The following TUSC2 variants were observed in gnomAD, a reference collection of about 807,000 sequenced individuals.
TUSC2 encodes tumor suppressor 2, mitochondrial calcium regulator.
TUSC2 carries 7 observed loss-of-function variants against 11.5 expected under a neutral mutation model. That is an observed-to-expected ratio of 0.61 (90% confidence interval 0.35 to 1.14). The LOEUF is 1.14. Ranked by LOEUF, TUSC2 falls within the 50% of genes most tolerant of loss-of-function variation. TUSC2 has a pLI of 0.03. For missense variants in TUSC2, 132 were observed against 155.0 expected (o/e 0.85, Z 0.79); for synonymous variants, 61 against 64.1 (o/e 0.95, Z 0.23).
intron 1 of TUSC2, chr3:50,327,317 TCTA>T: frequency 2.2e-6 from 1 of 449,088 alleles, no homozygotes; most frequent in African/African-American, 2.0e-5. Flanking sequence ...CTTCCTGGTG[TCTA>T]CAGCCAAATC....
intron 1 of TUSC2, 121 bp downstream of exon 1, chr3:50,327,833 C>CA: frequency 7.6e-7 from 1 of 1,312,480 alleles, no homozygotes; most frequent in African/African-American, 1.5e-5. Flanking sequence ...CAATGAGGCT[C>CA]AAAATATGGG....
chr3:50,327,597 G>A (rs1293551043), intron 1 of TUSC2, among the ~76,000 whole-genome samples: 2 of 152,074 alleles, frequency 1.3e-5, no homozygotes, highest in African/African-American at 4.8e-5. Context: ...TTATCCCCTT[G>A]GAATAACTGG....
chr3:50,327,937 G>A lies in TUSC2; in HGVS notation c.146+17C>T, dbSNP rs782303395. 2.8e-5 allele frequency: 42 copies of A among 1,495,854 alleles called. No homozygotes were observed. Among genetic ancestry groups the A allele is most frequent in the Non-Finnish European group, 3.2e-5 (36 of 1,124,998 alleles). 92.7% of individuals were successfully genotyped at this position (1,495,854 alleles called of 1,614,324 possible). On this transcript the variant is annotated intron_variant, in intron 1 of 2. Coordinates refer to ENST00000232496, the MANE Select transcript of TUSC2 (RefSeq NM_007275.3). ...GCCCGCCTGTTCCCCCCGCCAGGGTGGAACCCATGCCCTTACCCGCGGCGC... is the reference window on the plus strand; with the variant it reads ...GCCCGCCTGTTCCCCCCGCCAGGGTAGAACCCATGCCCTTACCCGCGGCGC...
chr3:50,326,241 G>T, intron 2 of TUSC2, 55 bp from the exon 3 acceptor site: 1 of 1,610,492 alleles, frequency 6.2e-7, no homozygotes, highest in Non-Finnish European at 8.5e-7. Flanking sequence ...ACTTCAGGAA[G>T]CTTCCTTGTT....
chr3:50,326,946 G>C (rs1167691272), intron 1 of TUSC2: 1 of 336,722 alleles, frequency 3.0e-6, no homozygotes. Context: ...CCTGGGGTTT[G>C]GGGTCTACTA....
chr3:50,328,052 C>G lies in TUSC2; in HGVS notation c.48G>C (p.Ser16=). Residue 16 remains serine, a synonymous_variant, in exon 1 of 3, where the codon TCG becomes TCC. Transcript: ENST00000232496. The part of the protein sequence containing the change: ...SKARGLWPFA[S]AAGGGGSEAA... ...CCTCTGAGCCGCCGCCTCCGGCCGC[C>G]GAGGCGAAGGGCCACAGGCCCCGAG... 1 of 1,493,936 alleles carries G rather than the reference C, an allele frequency of 6.7e-7. No homozygotes were observed. The highest frequency in any genetic ancestry group is 8.9e-7 in the Non-Finnish European group (1 of 1,121,142). The allele number at this position is 1,493,936 out of a possible 1,614,324, so 92.5% of individuals were successfully genotyped here.
rs782182214 is a variant in TUSC2 at position 50,327,898 on chromosome 3, C to A, written c.146+56G>T. On this transcript the variant is annotated intron_variant, in intron 1 of 2. Coordinates refer to ENST00000232496, the MANE Select transcript of TUSC2 (RefSeq NM_007275.3). ...CAGCGGTGGAAGTTCCCCCGTGGCG[C>A]GGGACGCCTGGCCGCCCGCCTGTTC... 30 of 1,382,052 alleles carry A rather than the reference C, an allele frequency of 2.2e-5. No individual in the cohort carries two copies. The South Asian group carries it at 4.3e-4, about 20-fold the overall frequency. 85.6% of individuals were successfully genotyped at this position (1,382,052 alleles called of 1,614,324 possible).
chr3:50,328,045 C>T lies in TUSC2; in HGVS notation c.55G>A (p.Gly19Arg). Residue 19 changes from glycine (G) to arginine (R), a missense_variant, in exon 1 of 3, where the codon GGA becomes AGA. Physicochemically the swap from Gly to Arg is moderately radical, Grantham distance 125. This residue lies in a region of TUSC2 where 17 missense variants were observed against 33.1 expected (regional missense o/e 0.51). Coordinates refer to ENST00000232496, the MANE Select transcript of TUSC2 (RefSeq NM_007275.3). The part of the protein sequence containing the change: ...RGLWPFASAA[G>R]GGGSEAAGAE... ...CCTGCTGCCTCTGAGCCGCCGCCTCCGGCCGCCGAGGCGAAGGGCCACAGG... is the reference window on the plus strand; with the variant it reads ...CCTGCTGCCTCTGAGCCGCCGCCTCTGGCCGCCGAGGCGAAGGGCCACAGG... The T allele has an allele frequency of 2.0e-6, 3 of 1,495,908 alleles. No homozygotes were observed. Among genetic ancestry groups the T allele is most frequent in the Admixed American group, 2.2e-5 (1 of 45,232 alleles). 92.7% of individuals were successfully genotyped at this position (1,495,908 alleles called of 1,614,324 possible). A position where few individuals can be genotyped will look rare whatever the true frequency, so the allele number is the denominator to read the frequency against.
chr3:50,326,356 C>T lies in TUSC2; in HGVS notation c.267+1G>A. ...TCTGTGACCGCTGCCCAGCCCCTCACCTGAGGAATCAGATTCTTATGCACT... is the reference window on the plus strand; with the variant it reads ...TCTGTGACCGCTGCCCAGCCCCTCATCTGAGGAATCAGATTCTTATGCACT... On this transcript the variant is annotated splice_donor_variant, in intron 2 of 2. Coordinates refer to ENST00000232496, the MANE Select transcript of TUSC2 (RefSeq NM_007275.3). LOFTEE classifies it high-confidence loss of function. The T allele has an allele frequency of 6.2e-7, 1 of 1,613,894 alleles. No individual in the cohort carries two copies. Among genetic ancestry groups the T allele is most frequent in the Non-Finnish European group, 8.5e-7 (1 of 1,179,976 alleles).
rs782023495 is a variant in TUSC2 at position 50,328,187 on chromosome 3, G to T, written c.-88C>A. On this transcript the variant is annotated 5_prime_UTR_variant, in exon 1 of 3. Transcript: ENST00000232496. Reference sequence around the variant, plus strand: ...CCATAACCTGCCCCAGCCGCTGATCGCAGGTGCCGCCGCCGCCGCCTTCCG... The same window carrying T: ...CCATAACCTGCCCCAGCCGCTGATCTCAGGTGCCGCCGCCGCCGCCTTCCG... 7.8e-7 allele frequency: 1 copy of T among 1,280,818 alleles called. No individual in the cohort carries two copies. Among genetic ancestry groups the T allele is most frequent in the African/African-American group, 1.6e-5 (1 of 64,404 alleles). The allele number at this position is 1,280,818 out of a possible 1,614,324, so 79.3% of individuals were successfully genotyped here.
chr3:50,326,140 A>G lies in TUSC2; in HGVS notation c.314T>C (p.Val105Ala). Residue 105 changes from valine (V) to alanine (A), a missense_variant, in exon 3 of 3, where the codon GTG becomes GCG. Val to Ala is a moderately conservative substitution (Grantham distance 64). Coordinates refer to ENST00000232496, the MANE Select transcript of TUSC2 (RefSeq NM_007275.3). ...DHPRIHVDFP[V>A]ILYEV ...CCAGGGTCACACCTCATAGAGGATCACAGGGAAATCCACGTGGATGCGGGG... is the reference window on the plus strand; with the variant it reads ...CCAGGGTCACACCTCATAGAGGATCGCAGGGAAATCCACGTGGATGCGGGG... 4 of 1,594,052 alleles carry G rather than the reference A, an allele frequency of 2.5e-6. 1 individual carries two copies. The South Asian group carries it at 4.5e-5, about 18-fold the overall frequency.
In TUSC2 at chr3:50,328,131, G is replaced by C. The variant is rs1263252149; in HGVS notation, c.-32C>G. The stretch of plus-strand genomic sequence containing the variant: ...GCCGCCGGCGCATGGCGGGCCCCGT[G>C]GCCGCTCTGCTCACACCGCAGTCCG... On this transcript the variant is annotated 5_prime_UTR_variant, in exon 1 of 3. Coordinates refer to ENST00000232496, the MANE Select transcript of TUSC2 (RefSeq NM_007275.3). 7 of 1,363,522 alleles carry C rather than the reference G, an allele frequency of 5.1e-6. No individual in the cohort carries two copies. In the African/African-American group the frequency reaches 9.2e-5, roughly 18 times the overall value. 84.5% of individuals were successfully genotyped at this position (1,363,522 alleles called of 1,614,324 possible).
chr3:50,327,097 T>C (rs1378173792), intron 1 of TUSC2: 1 of 453,854 alleles, frequency 2.2e-6, no homozygotes, highest in Non-Finnish European at 4.4e-6. Context: ...GGGCAGCCAT[T>C]CTAATATCAG....
Position 50,326,376 on chromosome 3 carries a change from T to C in TUSC2, c.248A>G (p.His83Arg), listed in dbSNP as rs782290856. 5.6e-6 allele frequency: 9 copies of C among 1,613,774 alleles called. No individual in the cohort carries two copies. In the South Asian group the frequency reaches 7.7e-5, roughly 14 times the overall value. ...GQKRAKLRRV[H>R]KNLIPQGIVK... is the part of the protein sequence containing the mutation. ...CCTCACCTGAGGAATCAGATTCTTATGCACTCGCCTCAGCTTGGCCCGCTT... is the reference window on the plus strand; with the variant it reads ...CCTCACCTGAGGAATCAGATTCTTACGCACTCGCCTCAGCTTGGCCCGCTT... Residue 83 changes from histidine (H) to arginine (R), a missense_variant, in exon 2 of 3, where the codon CAT becomes CGT. By Grantham distance (29) the His-to-Arg change is conservative. Transcript: ENST00000232496.
chr3:50,327,955 C>A lies in TUSC2; in HGVS notation c.145G>T (p.Gly49Cys). 1 of 1,533,620 alleles carries A rather than the reference C, an allele frequency of 6.5e-7. No homozygotes were observed. Among genetic ancestry groups the A allele is most frequent in the Non-Finnish European group, 8.7e-7 (1 of 1,143,302 alleles). ...AVPPFVFTRR[G>C]SMFYDEDGDL... Reference sequence around the variant, plus strand: ...CCAGGGTGGAACCCATGCCCTTACCCGCGGCGCGTGAATACGAAGGGGGGC... The same window carrying A: ...CCAGGGTGGAACCCATGCCCTTACCAGCGGCGCGTGAATACGAAGGGGGGC... The change falls in exon 1 of 3, where the codon GGC becomes TGC. Residue 49 changes from glycine to cysteine, a missense_variant and splice_region_variant. Gly to Cys is a radical substitution (Grantham distance 159). This residue lies in a region of TUSC2 where 65 missense variants were observed against 94.0 expected (regional missense o/e 0.69). Coordinates refer to ENST00000232496, the MANE Select transcript of TUSC2 (RefSeq NM_007275.3).
At position 50,324,998 on chromosome 3, in the gene TUSC2, A is replaced by G. The variant is rs1359360436; in HGVS notation, c.*1123T>C. On this transcript the variant is annotated 3_prime_UTR_variant, in exon 3 of 3. Transcript: ENST00000232496. ...GGCCATCCTCCCCAAGCCATTTCCC[A>G]CATTATAGAAGCACAGAGCTTGCAC... 1 of 152,494 alleles carries G rather than the reference A, an allele frequency of 6.6e-6. No homozygotes were observed. Among genetic ancestry groups the G allele is most frequent in the Non-Finnish European group, 1.5e-5 (1 of 68,024 alleles). The allele number at this position is 152,494 out of a possible 1,614,324, so 9.4% of individuals were successfully genotyped here.
In TUSC2 at chr3:50,328,008, G is replaced by T; in HGVS notation, c.92C>A (p.Ala31Asp). The T allele has an allele frequency of 6.5e-7, 1 of 1,533,718 alleles. No homozygotes were observed. Among genetic ancestry groups the T allele is most frequent in the South Asian group, 1.2e-5 (1 of 82,350 alleles). The change falls in exon 1 of 3, where the codon GCT (alanine) becomes GAT (aspartate). Residue 31 changes from alanine to aspartate, a missense_variant. Coordinates refer to ENST00000232496, the MANE Select transcript of TUSC2 (RefSeq NM_007275.3). ...AGCTCGGCCCCGAGGCCGCACCAAA[G>T]CTTGCTCAGCTCCTGCTGCCTCTGA... is the stretch of plus-strand genomic sequence containing the variant. ...GGSEAAGAEQALVRPRGRAVP... is the reference protein window; with the variant it reads ...GGSEAAGAEQDLVRPRGRAVP...
intron 1 of TUSC2, among the ~76,000 whole-genome samples, chr3:50,327,440 G>A (rs1215870157): frequency 1.3e-5 from 2 of 152,154 alleles, no homozygotes; most frequent in African/African-American, 2.4e-5. Context: ...GTAGGTCAGC[G>A]CTCTGGATCT....
rs1273640640 is a variant in TUSC2 at position 50,328,031 on chromosome 3, T to C, written c.69A>G (p.Ser23=). ...PFASAAGGGG[S]EAAGAEQALV... ...AAGCTTGCTCAGCTCCTGCTGCCTC[T>C]GAGCCGCCGCCTCCGGCCGCCGAGG... The change falls in exon 1 of 3, where the codon TCA becomes TCG. Residue 23 remains serine (S), a synonymous_variant. Transcript: ENST00000232496. The C allele has an allele frequency of 2.7e-6, 4 of 1,506,224 alleles. No homozygotes were observed. Among genetic ancestry groups the C allele is most frequent in the Middle Eastern group, 2.2e-4 (1 of 4,456 alleles). The allele number at this position is 1,506,224 out of a possible 1,614,324, so 93.3% of individuals were successfully genotyped here. A position where few individuals can be genotyped will look rare whatever the true frequency, so the allele number is the denominator to read the frequency against.
Sources: allele counts gnomAD v4.1 joint callset (sites outside exome capture counted in the v4.1 genomes callset), GRCh38; gene constraint gnomAD v4.1.1; regional missense constraint gnomAD v4.1.1; transcripts MANE v1.5; gene names NCBI Gene and HGNC (gene_info 2026-07-23, HGNC 2026-07-21).